Variants in PRIM2 observed in about 807,000 individuals in gnomAD.
PRIM2 encodes the protein DNA primase large subunit.
Under a neutral mutation model 67.3 loss-of-function variants are expected in PRIM2, and 39 were observed. The observed-to-expected ratio is 0.58, with a 90% CI of 0.45 to 0.76. PRIM2 has a LOEUF of 0.76. Among genes scored for constraint, PRIM2 ranks in the 30% least tolerant of loss-of-function variants. The pLI is 0.00. For synonymous variants in PRIM2, 143 were observed against 198.7 expected, an observed-to-expected ratio of 0.72 and a Z score of 2.36; for missense variants, 398 against 598.7, an observed-to-expected ratio of 0.66 and a Z score of 3.50.
At position 57,377,221 on chromosome 6, in the gene PRIM2, C is replaced by A. The variant is rs868207608; in HGVS notation, c.460-2680C>A. Among the ~76,000 whole-genome samples, 5 of 152,220 alleles carry A rather than the reference C, an allele frequency of 3.3e-5. No homozygotes were observed. In the South Asian group the frequency reaches 1.0e-3, roughly 32 times the overall value. On this transcript the variant is annotated intron_variant, in intron 5 of 13. Transcript: ENST00000615550. ...TATATTTGAATCCAGAAACCTGACT[C>A]AATTAGGCCAATAGTTTTAATAATT...
chr6:57,644,239 A>G (rs1221771903), intron 13 of PRIM2, among the ~76,000 whole-genome samples: 6 of 151,750 alleles, frequency 4.0e-5, no homozygotes, highest in African/African-American at 1.2e-4. Flanking sequence ...ACTATTTAAT[A>G]TTTGCTTTCC....
the PRIM2 span, among the ~76,000 whole-genome samples, chr6:57,274,109 A>G: frequency 6.6e-6 from 1 of 152,250 alleles, no homozygotes; most frequent in Non-Finnish European, 1.5e-5. Context: ...GCCCGTTCTC[A>G]GATCTCCAGC....
the PRIM2 span, among the ~76,000 whole-genome samples, chr6:57,280,135 A>C: frequency 4.0e-3 from 604 of 152,254 alleles, 2 homozygotes; most frequent in African/African-American, 0.014. Context: ...GCACTTTCAA[A>C]TAGTTTTTGT....
At chr6:57,499,548 T>TC (rs1478635683) in intron 7 of PRIM2, among the ~76,000 whole-genome samples, 1 of 151,988 alleles carries the variant, frequency 6.6e-6, no homozygotes, top group Non-Finnish European at 1.5e-5. Flanking sequence ...CTTGCTAAGT[T>TC]CCCCCCAGTT....
intron 7 of PRIM2, among the ~76,000 whole-genome samples, chr6:57,436,066 C>A (rs1430905023): frequency 1.3e-5 from 2 of 152,146 alleles, no homozygotes; most frequent in East Asian, 1.9e-4. Context: ...TAAATAATTT[C>A]TTCTCCCATC....
At chr6:57,593,692 AC>A (rs1776320322) in intron 10 of PRIM2, among the ~76,000 whole-genome samples, 1 of 152,258 alleles carries the variant, frequency 6.6e-6, no homozygotes, top group East Asian at 1.9e-4. Context: ...CCAAGTAAAT[AC>A]AGTCTCTGTA....
At chr6:57,326,546 C>T (rs908131386) in intron 5 of PRIM2, among the ~76,000 whole-genome samples, 6 of 151,976 alleles carry the variant, frequency 3.9e-5, no homozygotes, top group Non-Finnish European at 5.9e-5. Context: ...CATAGTGAAA[C>T]CCCCACTCTA....
chr6:57,564,759 A>G (rs1214098209), intron 10 of PRIM2, among the ~76,000 whole-genome samples: 22 of 152,294 alleles, frequency 1.4e-4, no homozygotes, highest in Middle Eastern at 3.4e-3. Context: ...TTGAGGCTAA[A>G]TTTTCTCTTA....
chr6:57,272,812 G>T, the PRIM2 span, among the ~76,000 whole-genome samples: 1,375 of 152,224 alleles, frequency 9.0e-3, 26 homozygotes, highest in African/African-American at 0.032. Context: ...GCTCTTTTAG[G>T]GCAGGCCTGA....
chr6:57,556,713 G>A (rs1379509590), intron 10 of PRIM2, among the ~76,000 whole-genome samples: 169 of 152,214 alleles, frequency 1.1e-3, no homozygotes, highest in African/African-American at 2.9e-3. Context: ...TACCATCCTG[G>A]ACATTAGAAA....
At chr6:57,286,733 G>A in the PRIM2 span, among the ~76,000 whole-genome samples, 1 of 152,160 alleles carries the variant, frequency 6.6e-6, no homozygotes, top group Admixed American at 6.5e-5. Flanking sequence ...CAAAGCAATG[G>A]CAACAAAAGC....
intron 10 of PRIM2, among the ~76,000 whole-genome samples, chr6:57,595,420 C>T (rs1447188257): frequency 7.2e-5 from 11 of 152,116 alleles, no homozygotes; most frequent in South Asian, 2.1e-4. Context: ...TGATGCTAGC[C>T]GGATAGCCTA....
chr6:57,396,216 T>C (rs1421719583), intron 7 of PRIM2, among the ~76,000 whole-genome samples: 2 of 152,186 alleles, frequency 1.3e-5, no homozygotes, highest in Non-Finnish European at 2.9e-5. Context: ...TTTGTTGACT[T>C]TCTGTCTTGA....
At chr6:57,640,059 T>G (rs1777201981) in intron 13 of PRIM2, among the ~76,000 whole-genome samples, 1 of 152,188 alleles carries the variant, frequency 6.6e-6, no homozygotes, top group South Asian at 2.1e-4. Context: ...GCTTCATCCC[T>G]GGGATGCAAA....
At position 57,412,845 on chromosome 6, in the gene PRIM2, T is replaced by G. The variant is rs1219888114; in HGVS notation, c.693+30677T>G. On this transcript the variant is annotated intron_variant, in intron 7 of 13. Coordinates refer to ENST00000615550, the MANE Select transcript of PRIM2 (RefSeq NM_000947.5). ...GGCATAAGGCTATATAAAATCTGTA[T>G]GCCATGAAGAAAGAGAAAGTAGTTT... 2.6e-5 allele frequency among the ~76,000 whole-genome samples: 4 copies of G among 152,222 alleles called. No individual in the cohort carries two copies. The South Asian group carries it at 6.2e-4, about 24-fold the overall frequency.
the PRIM2 span, among the ~76,000 whole-genome samples, chr6:57,222,629 A>C: frequency 1.2e-3 from 176 of 152,358 alleles, 1 homozygote; most frequent in African/African-American, 4.1e-3. Context: ...AAAAATGTCG[A>C]GCAAAGTCGA....
chr6:57,487,568 A>G (rs1773783796), intron 7 of PRIM2, among the ~76,000 whole-genome samples: 1 of 152,250 alleles, frequency 6.6e-6, no homozygotes, highest in South Asian at 2.1e-4. Context: ...TTTTTATGGT[A>G]CTACAAGCAC....
chr6:57,455,325 A>C (rs1339928203), intron 7 of PRIM2, among the ~76,000 whole-genome samples: 2,885 of 152,226 alleles, frequency 0.019, 44 homozygotes, highest in Middle Eastern at 0.037. Flanking sequence ...AGCTGAGTTC[A>C]ATTCCTGGAT....
intron 10 of PRIM2, among the ~76,000 whole-genome samples, chr6:57,600,594 G>A (rs1386575005): frequency 5.9e-5 from 9 of 152,102 alleles, no homozygotes; most frequent in Non-Finnish European, 8.8e-5. Flanking sequence ...GGGCTCAAGC[G>A]ATCCTCTTGT....
Sources: gnomAD v4.1 joint callset for allele counts (sites outside exome capture counted in the v4.1 genomes callset) on GRCh38, gnomAD v4.1.1 for gene constraint, MANE v1.5 for transcripts, NCBI Gene and HGNC (gene_info 2026-07-23, HGNC 2026-07-21) for gene names.